The following UNC5D variants were observed in gnomAD, a reference collection of about 807,000 sequenced individuals.
UNC5D encodes the protein netrin receptor UNC5D.
A neutral mutation model predicts 105.4 loss-of-function variants in UNC5D; 39 were observed. The observed-to-expected ratio is 0.37, with a 90% confidence interval of 0.29 to 0.48. The LOEUF (loss-of-function observed/expected upper bound fraction) is 0.48, where lower values mean the gene tolerates loss of function less well. UNC5D is among the 20% of genes least tolerant of loss of function. The probability of loss-of-function intolerance (pLI) is 0.98; values close to 1 mark genes in which losing one functional copy is unlikely to be tolerated. For synonymous variants in UNC5D, 452 were observed against 450.4 expected (o/e 1.00, Z -0.04); for missense variants, 991 against 1,202.4 (o/e 0.82, Z 2.60).
chr8:35,593,070 C>T (rs1586202520), intron 3 of UNC5D, among the ~76,000 whole-genome samples: 1 of 151,852 alleles, frequency 6.6e-6, no homozygotes, highest in Non-Finnish European at 1.5e-5. Context: ...CACACACACA[C>T]ACACACACAC....
intron 1 of UNC5D, among the ~76,000 whole-genome samples, chr8:35,435,575 A>G (rs1388719243): frequency 1.3e-5 from 2 of 152,144 alleles, no homozygotes; most frequent in South Asian, 2.1e-4. Context: ...ATTTCTAAGC[A>G]TATGAAACAA....
intron 1 of UNC5D, among the ~76,000 whole-genome samples, chr8:35,347,785 G>C (rs1405293327): frequency 6.6e-6 from 1 of 151,944 alleles, no homozygotes; most frequent in Admixed American, 6.6e-5. Flanking sequence ...TTTTGTATGA[G>C]AATTTTAACT....
intron 1 of UNC5D, among the ~76,000 whole-genome samples, chr8:35,250,249 C>T (rs913878118): frequency 3.3e-5 from 5 of 151,958 alleles, no homozygotes; most frequent in Admixed American, 3.3e-4. Context: ...GTGGGAAGGA[C>T]CCAGGGTTTT....
chr8:35,639,103 C>T (rs554336295), intron 4 of UNC5D, among the ~76,000 whole-genome samples: 35 of 152,148 alleles, frequency 2.3e-4, no homozygotes, highest in African/African-American at 7.9e-4. Flanking sequence ...GAATATTGTT[C>T]GGATATGATT....
chr8:35,417,851 T>G (rs1805628066), intron 1 of UNC5D, among the ~76,000 whole-genome samples: 1 of 152,172 alleles, frequency 6.6e-6, no homozygotes, highest in Non-Finnish European at 1.5e-5. Flanking sequence ...AAAATAATCA[T>G]TATGCCAGAT....
intron 4 of UNC5D, among the ~76,000 whole-genome samples, chr8:35,612,160 G>A (rs1820725171): frequency 6.6e-6 from 1 of 152,216 alleles, no homozygotes; most frequent in African/African-American, 2.4e-5. Flanking sequence ...TTGAGGCACT[G>A]CATGCCAGGC....
chr8:35,373,858 C>G (rs1219641556), intron 1 of UNC5D, among the ~76,000 whole-genome samples: 1 of 152,188 alleles, frequency 6.6e-6, no homozygotes, highest in African/African-American at 2.4e-5. Flanking sequence ...ACCACTGACA[C>G]TCTCTTATCT....
intron 3 of UNC5D, among the ~76,000 whole-genome samples, chr8:35,571,941 C>T (rs1817750347): frequency 6.6e-6 from 1 of 152,132 alleles, no homozygotes; most frequent in Admixed American, 6.5e-5. Context: ...ACCATCAGAG[C>T]TCCTTATGTT....
chr8:35,601,425 C>A (rs13277359), intron 4 of UNC5D, among the ~76,000 whole-genome samples: 11 of 152,210 alleles, frequency 7.2e-5, no homozygotes, highest in Admixed American at 5.9e-4. Flanking sequence ...ATTCTTCTAC[C>A]CATGAGCATG....
chr8:35,774,388 C>G lies in UNC5D; in HGVS notation c.2568C>G (p.Ser856=). 1 of 1,614,100 alleles carries G rather than the reference C, an allele frequency of 6.2e-7. No individual in the cohort carries two copies. Residue 856 remains serine, a synonymous_variant, in exon 16 of 17, where the codon TCC becomes TCG. Transcript: ENST00000404895. ...CCAAAGCCTTCAAAATTCCCTACTC[C>G]ATCAGACAGCGGATTTGTGCTACAT... The part of the protein sequence containing the change: ...TGPKAFKIPY[S]IRQRICATFD...
At chr8:35,779,221 C>T (rs563441070) in intron 16 of UNC5D, among the ~76,000 whole-genome samples, 16 of 152,062 alleles carry the variant, frequency 1.1e-4, no homozygotes, top group Non-Finnish European at 2.2e-4. Context: ...GGTCATGTAG[C>T]GGGTAGGTGG....
chr8:35,412,967 G>A lies in UNC5D; in HGVS notation c.104-136325G>A, dbSNP rs923547641. Among the ~76,000 whole-genome samples the A allele has an allele frequency of 1.9e-4, 29 of 152,166 alleles. 1 individual carries two copies. The highest frequency in any genetic ancestry group is 7.0e-4 in the African/African-American group (29 of 41,518). On this transcript the variant is annotated intron_variant, in intron 1 of 16. Coordinates refer to ENST00000404895, the MANE Select transcript of UNC5D (RefSeq NM_080872.4). Reference sequence around the variant, plus strand: ...GGAGTGCTTCATAACACACGTGTGGGTCTCACTGGATTCTTTTTGAACATA... The same window carrying A: ...GGAGTGCTTCATAACACACGTGTGGATCTCACTGGATTCTTTTTGAACATA...
chr8:35,679,625 C>T (rs988649065), intron 4 of UNC5D, among the ~76,000 whole-genome samples: 1 of 152,100 alleles, frequency 6.6e-6, no homozygotes, highest in Non-Finnish European at 1.5e-5. Flanking sequence ...AGATTCAAAG[C>T]CACTGAATGA....
intron 1 of UNC5D, among the ~76,000 whole-genome samples, chr8:35,334,216 C>G (rs545835739): frequency 6.6e-6 from 1 of 151,942 alleles, no homozygotes; most frequent in Non-Finnish European, 1.5e-5. Flanking sequence ...GAGACAGCTG[C>G]GAAAAGGCAG....
In UNC5D at chr8:35,286,826, AC is replaced by A. The variant is rs569004920; in HGVS notation, c.103+50941del. The stretch of plus-strand genomic sequence containing the variant: ...GTCCACCTTGTGTGGCTGAGTAACA[AC>A]CACAAAAATCTCACCCAGCATGGGA... On this transcript the variant is annotated intron_variant, in intron 1 of 16. Coordinates refer to ENST00000404895, the MANE Select transcript of UNC5D (RefSeq NM_080872.4). Among the ~76,000 whole-genome samples the A allele has an allele frequency of 2.6e-5, 4 of 152,222 alleles. No homozygotes were observed. In the South Asian group the frequency reaches 8.3e-4, roughly 32 times the overall value.
At chr8:35,388,341 G>C (rs1803565235) in intron 1 of UNC5D, among the ~76,000 whole-genome samples, 1 of 151,722 alleles carries the variant, frequency 6.6e-6, no homozygotes, top group African/African-American at 2.4e-5. Flanking sequence ...CTCCAGCCTG[G>C]GTGACGAGTG....
chr8:35,325,679 G>A (rs565390743), intron 1 of UNC5D, among the ~76,000 whole-genome samples: 3 of 152,250 alleles, frequency 2.0e-5, no homozygotes, highest in African/African-American at 2.4e-5. Context: ...GCTCAATGGC[G>A]AGTTGCCAGT....
At chr8:35,253,589 C>T (rs1202190245) in intron 1 of UNC5D, among the ~76,000 whole-genome samples, 2 of 149,780 alleles carry the variant, frequency 1.3e-5, no homozygotes, top group African/African-American at 4.9e-5. Flanking sequence ...TGGGTTCAAG[C>T]GATTCTCCTG....
At chr8:35,418,008 T>C (rs1248449620) in intron 1 of UNC5D, among the ~76,000 whole-genome samples, 11 of 152,216 alleles carry the variant, frequency 7.2e-5, no homozygotes, top group Non-Finnish European at 1.6e-4. Flanking sequence ...TGAGCTAGTT[T>C]AAATCAGGTT....
Sources: allele counts gnomAD v4.1 joint callset (sites outside exome capture counted in the v4.1 genomes callset), GRCh38; gene constraint gnomAD v4.1.1; transcripts MANE v1.5; gene names NCBI Gene and HGNC (gene_info 2026-07-23, HGNC 2026-07-21).